Variants in BMPR2 observed in about 807,000 individuals in gnomAD.
BMPR2 encodes bone morphogenetic protein receptor type 2.
BMPR2 carries 29 observed loss-of-function variants against 100.8 expected under a neutral mutation model. The observed-to-expected ratio is 0.29, with a 90% CI of 0.21 to 0.39. BMPR2 has a LOEUF of 0.39. BMPR2 is among the 10% of genes least tolerant of loss of function. The probability of loss-of-function intolerance (pLI) is 1.00; values close to 1 mark genes in which losing one functional copy is unlikely to be tolerated. For synonymous variants in BMPR2, 382 were observed against 442.3 expected, an observed-to-expected ratio of 0.86 and a Z score of 1.71; for missense variants, 1,011 against 1,274.5, an observed-to-expected ratio of 0.79 and a Z score of 3.15.
chr2:202,504,716 G>A (rs1253233927), intron 3 of BMPR2, among the ~76,000 whole-genome samples: 3 of 129,988 alleles, frequency 2.3e-5, no homozygotes, highest in African/African-American at 6.0e-5. Flanking sequence ...GTCGCACTCT[G>A]TCACTCAGGC....
intron 9 of BMPR2, among the ~76,000 whole-genome samples, chr2:202,541,604 A>G (rs1688276228): frequency 6.6e-6 from 1 of 152,156 alleles, no homozygotes; most frequent in African/African-American, 2.4e-5. Flanking sequence ...TATTTGTTGT[A>G]CTAGGTCCTG....
chr2:202,384,435 T>C (rs1221997675), intron 1 of BMPR2, among the ~76,000 whole-genome samples: 3 of 152,184 alleles, frequency 2.0e-5, no homozygotes, highest in Non-Finnish European at 4.4e-5. Context: ...TGGAGTTAGG[T>C]ATTTGGGACA....
At chr2:202,514,382 C>T (rs1348667123) in intron 4 of BMPR2, among the ~76,000 whole-genome samples, 2 of 152,140 alleles carry the variant, frequency 1.3e-5, no homozygotes, top group African/African-American at 4.8e-5. Flanking sequence ...GTGATCCGCC[C>T]GCCTTGGCCT....
intron 1 of BMPR2, among the ~76,000 whole-genome samples, chr2:202,462,932 C>T (rs79024393): frequency 0.04 from 6,080 of 151,992 alleles, 173 homozygotes; most frequent in Non-Finnish European, 0.061. Flanking sequence ...AGGCTGGTCT[C>T]GAATGCTGAC....
At chr2:202,409,303 C>T (rs879824429) in intron 1 of BMPR2, among the ~76,000 whole-genome samples, 17 of 152,246 alleles carry the variant, frequency 1.1e-4, no homozygotes, top group South Asian at 6.2e-4. Flanking sequence ...GCTGAGATCG[C>T]GCCACTTCAT....
chr2:202,408,167 A>G (rs1436943140), intron 1 of BMPR2, among the ~76,000 whole-genome samples: 1 of 152,228 alleles, frequency 6.6e-6, no homozygotes, highest in Non-Finnish European at 1.5e-5. Flanking sequence ...AACAAGATTG[A>G]GAAAAACCAA....
At chr2:202,485,350 C>T (rs966473929) in intron 3 of BMPR2, among the ~76,000 whole-genome samples, 4 of 151,740 alleles carry the variant, frequency 2.6e-5, no homozygotes, top group African/African-American at 4.8e-5. Flanking sequence ...CAGTCTAAAG[C>T]CAAGGTATTG....
At position 202,439,923 on chromosome 2, in the gene BMPR2, TAC is replaced by T. The variant is rs1298350133; in HGVS notation, c.77-24885_77-24884del. Among the ~76,000 whole-genome samples, 10 of 150,344 alleles carry T rather than the reference TAC, an allele frequency of 6.7e-5. No homozygotes were observed. In the East Asian group the frequency reaches 1.9e-3, roughly 29 times the overall value. ...CTTCCGCAGTGTTTGTGTCCCTGGG[TAC>T]TTGAGATTAGGGAGTTCAAGCATCT... On this transcript the variant is annotated intron_variant, in intron 1 of 12. Coordinates refer to ENST00000374580, the MANE Select transcript of BMPR2 (RefSeq NM_001204.7).
intron 7 of BMPR2, among the ~76,000 whole-genome samples, chr2:202,522,870 A>T (rs1442810087): frequency 6.6e-6 from 1 of 152,166 alleles, no homozygotes; most frequent in African/African-American, 2.4e-5. Context: ...TACTCTGAAC[A>T]TTCTTCCTCT....
chr2:202,505,069 A>G, intron 3 of BMPR2: 1 of 174,224 alleles, frequency 5.7e-6, no homozygotes, highest in Non-Finnish European at 1.2e-5. Flanking sequence ...TGGCATGGAT[A>G]ACATACAGGT....
chr2:202,471,305 G>A (rs1692432811), intron 3 of BMPR2, among the ~76,000 whole-genome samples: 1 of 152,150 alleles, frequency 6.6e-6, no homozygotes. Context: ...CAACCATTGT[G>A]TTAAGGATTG....
chr2:202,421,768 A>T (rs1184363558), intron 1 of BMPR2, among the ~76,000 whole-genome samples: 1 of 150,768 alleles, frequency 6.6e-6, no homozygotes, highest in East Asian at 1.9e-4. Flanking sequence ...CCACTAGAAG[A>T]TTCATAGATG....
intron 1 of BMPR2, among the ~76,000 whole-genome samples, chr2:202,387,495 T>C (rs1690454250): frequency 6.6e-6 from 1 of 152,248 alleles, no homozygotes; most frequent in Non-Finnish European, 1.5e-5. Flanking sequence ...AGTGTTAGTC[T>C]AAAGGTATAA....
At chr2:202,397,997 C>G (rs1690688052) in intron 1 of BMPR2, among the ~76,000 whole-genome samples, 1 of 151,476 alleles carries the variant, frequency 6.6e-6, no homozygotes, top group Non-Finnish European at 1.5e-5. Flanking sequence ...TGGCAGGCAC[C>G]TATAATCACA....
rs1168915601 is a variant in BMPR2, at chr2:202,395,901, C to T, written c.76+18351C>T. 3.3e-5 allele frequency among the ~76,000 whole-genome samples: 5 copies of T among 152,076 alleles called. No homozygotes were observed. In the East Asian group the frequency reaches 9.6e-4, roughly 29 times the overall value. ...GCAGTGAGCTGAGATTGCACCATTGCACTCCAGCCTGGGCAACAAGAGTGA... is the reference window on the plus strand; with the variant it reads ...GCAGTGAGCTGAGATTGCACCATTGTACTCCAGCCTGGGCAACAAGAGTGA... On this transcript the variant is annotated intron_variant, in intron 1 of 12. Coordinates refer to ENST00000374580, the MANE Select transcript of BMPR2 (RefSeq NM_001204.7).
intron 1 of BMPR2, among the ~76,000 whole-genome samples, chr2:202,387,879 A>C (rs1690461042): frequency 6.6e-6 from 1 of 152,248 alleles, no homozygotes; most frequent in Admixed American, 6.5e-5. Context: ...AGTGATAAGA[A>C]AGGCAAGATT....
At chr2:202,542,914 C>T (rs1157684955) in intron 10 of BMPR2, among the ~76,000 whole-genome samples, 1 of 151,956 alleles carries the variant, frequency 6.6e-6, no homozygotes, top group Non-Finnish European at 1.5e-5. Context: ...CGGTGGCTCA[C>T]ACCTGTAATC....
chr2:202,396,624 G>A (rs1352264695), intron 1 of BMPR2, among the ~76,000 whole-genome samples: 1 of 152,086 alleles, frequency 6.6e-6, no homozygotes, highest in Admixed American at 6.6e-5. Context: ...TGAAGGCAGA[G>A]AACATCATAA....
chr2:202,508,106 T>G (rs918861774), intron 3 of BMPR2, among the ~76,000 whole-genome samples: 2 of 149,192 alleles, frequency 1.3e-5, no homozygotes, highest in African/African-American at 4.9e-5. Context: ...ATTATTATTA[T>G]TATTATTTTT....
Sources: allele counts gnomAD v4.1 joint callset (sites outside exome capture counted in the v4.1 genomes callset), GRCh38; gene constraint gnomAD v4.1.1; transcripts MANE v1.5; gene names NCBI Gene and HGNC (gene_info 2026-07-23, HGNC 2026-07-21).